POLR1E: variants seen among roughly 807,000 people sequenced by gnomAD.
POLR1E encodes RNA polymerase I subunit E, also known as DNA-directed RNA polymerase I subunit RPA49.
A neutral mutation model predicts 50.9 loss-of-function variants in POLR1E; 37 were observed. The observed-to-expected ratio is 0.73, with a 90% CI of 0.56 to 0.96. The LOEUF (loss-of-function observed/expected upper bound fraction) is 0.96, where lower values mean the gene tolerates loss of function less well. Among genes scored for constraint, POLR1E ranks in the 40% least tolerant of loss-of-function variants. POLR1E has a pLI of 0.00. For missense variants in POLR1E, 426 were observed against 518.1 expected, an observed-to-expected ratio of 0.82 and a Z score of 1.73; for synonymous variants, 166 against 191.6, an observed-to-expected ratio of 0.87 and a Z score of 1.10.
chr9:37,494,462 G>A (rs1820748412), intron 6 of POLR1E, among the ~76,000 whole-genome samples: 1 of 152,118 alleles, frequency 6.6e-6, no homozygotes, highest in African/African-American at 2.4e-5. Flanking sequence ...ATTGGAGATG[G>A]GGTCTTGCTC....
At chr9:37,497,970 C>T (rs1820813177) in intron 8 of POLR1E, 121 bp from the exon 9 acceptor site, 2 of 1,160,850 alleles carry the variant, frequency 1.7e-6, no homozygotes, top group South Asian at 3.1e-5. Flanking sequence ...CCCAGGGTTT[C>T]ATCAGCTGTT....
rs1196986379 is a variant in POLR1E, at chr9:37,486,067, C to T, written c.20C>T (p.Pro7Leu). 1.2e-6 allele frequency: 2 copies of T among 1,602,702 alleles called. No homozygotes were observed. The highest frequency in any genetic ancestry group is 3.5e-5 in the Admixed American group (2 of 57,642). Residue 7 changes from proline to leucine, a missense_variant, in exon 1 of 12, where the codon CCG becomes CTG. Physicochemically the swap from Pro to Leu is moderately conservative, Grantham distance 98. Coordinates refer to ENST00000377798, the MANE Select transcript of POLR1E (RefSeq NM_022490.4). ...GGCGAGATGGCGGCGGAGGTGTTGC[C>T]GAGTGCGAGGTGGCAGTATTGTGGG... MAAEVL[P>L]SARWQYCGAP...
At chr9:37,497,968 T>C in intron 8 of POLR1E, 123 bp from the exon 9 acceptor site, 4 of 1,147,390 alleles carry the variant, frequency 3.5e-6, no homozygotes, top group Non-Finnish European at 4.9e-6. Context: ...TGCCCAGGGT[T>C]TCATCAGCTG....
At chr9:37,486,946 C>G (rs892003429) in intron 2 of POLR1E, 140 bp downstream of exon 2, 1 of 1,018,158 alleles carries the variant, frequency 9.8e-7, no homozygotes, top group African/African-American at 1.6e-5. Context: ...TGCCCAGCAG[C>G]CTGGGATGTG....
Position 37,486,104 on chromosome 9 carries a change from G to C in POLR1E, c.57G>C (p.Gly19=). Residue 19 remains glycine (G), a synonymous_variant, in exon 1 of 12, where the codon GGG becomes GGC. Coordinates refer to ENST00000377798, the MANE Select transcript of POLR1E (RefSeq NM_022490.4). ...ARWQYCGAPD[G]SQRAVLVQFS... is the part of the protein sequence containing the mutation. The stretch of plus-strand genomic sequence containing the variant: ...GGCAGTATTGTGGGGCGCCCGACGG[G>C]AGCCAGAGAGCTGTACTGGGTAAAG... 1 of 1,600,314 alleles carries C rather than the reference G, an allele frequency of 6.2e-7. No homozygotes were observed. Among genetic ancestry groups the C allele is most frequent in the Non-Finnish European group, 8.5e-7 (1 of 1,174,842 alleles).
rs755453938 is a variant in POLR1E, at chr9:37,489,351, A to G, written c.294A>G (p.Gln98=). Residue 98 remains glutamine (Q), a synonymous_variant, in exon 4 of 12, where the codon CAA becomes CAG. Coordinates refer to ENST00000377798, the MANE Select transcript of POLR1E (RefSeq NM_022490.4). The part of the protein sequence containing the change: ...FVGILNKTSG[Q]MEVYDAELFN... ...GAATTTTGAACAAGACCTCTGGCCA[A>G]ATGGAAGTATATGATGCTGAATTGT... 3.1e-6 allele frequency: 5 copies of G among 1,602,680 alleles called. No individual in the cohort carries two copies. In the South Asian group the frequency reaches 3.4e-5, roughly 11 times the overall value.
chr9:37,492,045 C>T (rs10814560), intron 4 of POLR1E, among the ~76,000 whole-genome samples: 32,758 of 152,114 alleles, frequency 0.22, 3,702 homozygotes, highest in East Asian at 0.26. Context: ...GTTCTAAGCA[C>T]TTTCCATGCA....
chr9:37,486,022 C>T lies in POLR1E; in HGVS notation c.-26C>T, dbSNP rs1040868474. 1.3e-6 allele frequency: 2 copies of T among 1,589,828 alleles called. No individual in the cohort carries two copies. The highest frequency in any genetic ancestry group is 1.7e-6 in the Non-Finnish European group (2 of 1,170,094). On this transcript the variant is annotated 5_prime_UTR_variant, in exon 1 of 12. Transcript: ENST00000377798. ...CTTGTGGCTGCTGCTGTCTTAACTC[C>T]TGTGCTTGGCGGACAGACAGGCGAG... is the stretch of plus-strand genomic sequence containing the variant.
At chr9:37,486,309 G>A (rs1820573617) in intron 1 of POLR1E, 186 bp downstream of exon 1, 3 of 1,304,432 alleles carry the variant, frequency 2.3e-6, no homozygotes, top group Admixed American at 2.8e-5. Context: ...CTCCCAGCCA[G>A]ATTGGGACAT....
chr9:37,499,947 T>C (rs996335952), intron 9 of POLR1E, among the ~76,000 whole-genome samples: 13 of 149,788 alleles, frequency 8.7e-5, no homozygotes, highest in Admixed American at 1.3e-4. Flanking sequence ...ACCTACTGGG[T>C]TCAAGGGATT....
intron 1 of POLR1E, 154 bp downstream of exon 1, chr9:37,486,277 C>T (rs1375371570): frequency 7.8e-7 from 1 of 1,274,474 alleles, no homozygotes; most frequent in African/African-American, 1.5e-5. Flanking sequence ...CAGGGCTCCC[C>T]TGTCCGTCTT....
intron 8 of POLR1E, 113 bp downstream of exon 8, chr9:37,496,099 A>G: frequency 1.4e-6 from 1 of 737,280 alleles, no homozygotes; most frequent in African/African-American, 1.7e-5. Flanking sequence ...TGTCTGGAGC[A>G]TTGGACATGA....
intron 2 of POLR1E, among the ~76,000 whole-genome samples, chr9:37,487,453 C>T (rs2118995100): frequency 6.6e-6 from 1 of 152,288 alleles, no homozygotes; most frequent in African/African-American, 2.4e-5. Flanking sequence ...TGCAGAGAAG[C>T]AGGAAAGCTT....
At position 37,486,107 on chromosome 9, in the gene POLR1E, C is replaced by T. The variant is rs1296153011; in HGVS notation, c.60C>T (p.Ser20=). 1 of 1,599,788 alleles carries T rather than the reference C, an allele frequency of 6.3e-7. No homozygotes were observed. Among genetic ancestry groups the T allele is most frequent in the Admixed American group, 1.8e-5 (1 of 56,962 alleles). Residue 20 remains serine (S), a synonymous_variant, in exon 1 of 12, where the codon AGC becomes AGT. Transcript: ENST00000377798. ...RWQYCGAPDG[S]QRAVLVQFSN... ...AGTATTGTGGGGCGCCCGACGGGAG[C>T]CAGAGAGCTGTACTGGGTAAAGACT... is the stretch of plus-strand genomic sequence containing the variant.
chr9:37,486,795 C>T lies in POLR1E; in HGVS notation c.169C>T (p.Gln57Ter). 6.2e-7 allele frequency: 1 copy of T among 1,610,922 alleles called. No homozygotes were observed. The change falls in exon 2 of 12, where the codon CAA becomes TAA. Residue 57 changes from glutamine to a stop codon, truncating the protein, a stop_gained. Coordinates refer to ENST00000377798, the MANE Select transcript of POLR1E (RefSeq NM_022490.4). LOFTEE classifies it high-confidence loss of function. ...KDSTNPRKRNQRILAAETDRL... is the reference protein window; with the variant it reads ...KDSTNPRKRN ...TTCCACCAACCCCAGGAAGAGGAAT[C>T]AACGGATCCTGGTAAGTGAAGCAGT... is the stretch of plus-strand genomic sequence containing the variant.
chr9:37,493,320 A>G (rs945161374), intron 5 of POLR1E, among the ~76,000 whole-genome samples: 1 of 152,244 alleles, frequency 6.6e-6, no homozygotes. Context: ...CAGATTTGCC[A>G]GCCCTAATCC....
intron 9 of POLR1E, 87 bp downstream of exon 9, chr9:37,498,311 A>G: frequency 7.3e-7 from 1 of 1,378,702 alleles, no homozygotes; most frequent in Non-Finnish European, 1.0e-6. Flanking sequence ...GAGAGAAGAA[A>G]ATGGATATGT....
At chr9:37,496,112 G>A (rs1820781083) in intron 8 of POLR1E, 126 bp downstream of exon 8, 2 of 667,106 alleles carry the variant, frequency 3.0e-6, no homozygotes, top group Non-Finnish European at 5.3e-6. Flanking sequence ...GGACATGAAT[G>A]AGCCAGTGTT....
chr9:37,486,525 A>G (rs1358069688), intron 1 of POLR1E, 178 bp from the exon 2 acceptor site: 3 of 1,561,002 alleles, frequency 1.9e-6, no homozygotes, highest in Non-Finnish European at 2.6e-6. Context: ...CCACCTCCCT[A>G]CCTCCTCTTC....
Sources: allele counts gnomAD v4.1 joint callset (sites outside exome capture counted in the v4.1 genomes callset), GRCh38; gene constraint gnomAD v4.1.1; transcripts MANE v1.5; gene names NCBI Gene and HGNC (gene_info 2026-07-23, HGNC 2026-07-21).